The following ZNF362 variants were observed in gnomAD, a reference collection of about 807,000 sequenced individuals.
ZNF362 encodes rotund homolog.
ZNF362 carries 11 observed loss-of-function variants against 42.9 expected under a neutral mutation model. The observed-to-expected ratio is 0.26, with a 90% CI of 0.16 to 0.42. The LOEUF is 0.42. ZNF362 is among the 20% of genes least tolerant of loss of function. The pLI is 1.00. For missense variants in ZNF362, 362 were observed against 576.2 expected (o/e 0.63, Z 3.81); for synonymous variants, 255 against 257.3 (o/e 0.99, Z 0.09).
rs1645862944 is a variant in ZNF362, at chr1:33,266,058, TC to T, written c.-88-4426del. 6.6e-6 allele frequency among the ~76,000 whole-genome samples: 1 copy of T among 152,184 alleles called. No homozygotes were observed. Among genetic ancestry groups the T allele is most frequent in the Admixed American group, 6.5e-5 (1 of 15,284 alleles). ...GTCCCACCTTCCTGAAGTCTGTTCT[TC>T]CCACAGTGAGATGAGTTCACCCTCC... is the stretch of plus-strand genomic sequence containing the variant. On this transcript the variant is annotated intron_variant, in intron 1 of 8. Coordinates refer to ENST00000539719, the MANE Select transcript of ZNF362 (RefSeq NM_152493.3). This position sits in a 1 kb window ranked among gnomAD's most constrained non-coding sequence, Gnocchi z 4.3.
At chr1:33,137,481 A>G in the ZNF362 span, among the ~76,000 whole-genome samples, 2 of 152,218 alleles carry the variant, frequency 1.3e-5, no homozygotes, top group African/African-American at 2.4e-5. Flanking sequence ...TTGAGAGAAA[A>G]CAGAGCATTT....
the ZNF362 span, among the ~76,000 whole-genome samples, chr1:33,247,559 T>C: frequency 5.3e-5 from 8 of 152,276 alleles, no homozygotes; most frequent in Non-Finnish European, 1.2e-4. Context: ...CCAGATGTTA[T>C]GATGTGGGCT....
chr1:33,185,933 G>T, the ZNF362 span, among the ~76,000 whole-genome samples: 1 of 152,116 alleles, frequency 6.6e-6, no homozygotes. Flanking sequence ...GTTCTTTTGT[G>T]GGCTGGGATT....
chr1:33,194,373 TA>T, the ZNF362 span, among the ~76,000 whole-genome samples: 1 of 151,702 alleles, frequency 6.6e-6, no homozygotes, highest in Non-Finnish European at 1.5e-5. Flanking sequence ...CCATCTCTAC[TA>T]AAAATACAAA....
At chr1:33,153,382 C>T in the ZNF362 span, among the ~76,000 whole-genome samples, 1 of 152,248 alleles carries the variant, frequency 6.6e-6, no homozygotes, top group Non-Finnish European at 1.5e-5. Flanking sequence ...AGGCAGCTTT[C>T]TCTAGAGCAG....
chr1:33,253,552 G>A (rs1172078652), upstream of ZNF362, among the ~76,000 whole-genome samples: 2 of 152,010 alleles, frequency 1.3e-5, no homozygotes, highest in Non-Finnish European at 2.9e-5. Flanking sequence ...TTTCCAGGTG[G>A]CTAGGGAGGA....
At chr1:33,160,121 T>C in the ZNF362 span, among the ~76,000 whole-genome samples, 1 of 152,096 alleles carries the variant, frequency 6.6e-6, no homozygotes, top group Non-Finnish European at 1.5e-5. Flanking sequence ...GCATGTTCTA[T>C]GTGGTCCATT....
In ZNF362 at chr1:33,299,170, C is replaced by T; in HGVS notation, c.*124C>T. The T allele has an allele frequency of 1.3e-6, 1 of 742,456 alleles. No homozygotes were observed. The highest frequency in any genetic ancestry group is 2.6e-5 in the East Asian group (1 of 37,754). The allele number at this position is 742,456 out of a possible 1,614,324, so 46.0% of individuals were successfully genotyped here. ...GCTCTCTCACGACCTTCCCAATCTTCCAGAAAGCTTGGTCCGCAGAAGCCC... is the reference window on the plus strand; with the variant it reads ...GCTCTCTCACGACCTTCCCAATCTTTCAGAAAGCTTGGTCCGCAGAAGCCC... On this transcript the variant is annotated 3_prime_UTR_variant, in exon 9 of 9. Coordinates refer to ENST00000539719, the MANE Select transcript of ZNF362 (RefSeq NM_152493.3).
At chr1:33,269,025 T>C (rs1645883086) in intron 1 of ZNF362, among the ~76,000 whole-genome samples, 1 of 152,032 alleles carries the variant, frequency 6.6e-6, no homozygotes, top group South Asian at 2.1e-4. Context: ...CCCTCTTCTC[T>C]CCCCACCCTG....
chr1:33,155,283 G>T, the ZNF362 span, among the ~76,000 whole-genome samples: 1 of 151,892 alleles, frequency 6.6e-6, no homozygotes, highest in East Asian at 2.0e-4. Context: ...TGTTGGCCAG[G>T]CTGGTCTCGA....
chr1:33,134,144 A>G, the ZNF362 span, among the ~76,000 whole-genome samples: 1 of 152,234 alleles, frequency 6.6e-6, no homozygotes, highest in East Asian at 1.9e-4. Context: ...ACCGTGGGCC[A>G]GGCATGTGGC....
At chr1:33,138,626 CAA>C in the ZNF362 span, among the ~76,000 whole-genome samples, 25 of 66,100 alleles carry the variant, frequency 3.8e-4, no homozygotes, top group East Asian at 1.7e-3. Flanking sequence ...ACAACAACAA[CAA>C]AAAAAAAAAA....
chr1:33,289,345 G>A (rs182324954), intron 6 of ZNF362, among the ~76,000 whole-genome samples: 21 of 152,240 alleles, frequency 1.4e-4, no homozygotes, highest in Non-Finnish European at 1.8e-4. Flanking sequence ...AAGGGGATAT[G>A]GACTCTGTCC....
At chr1:33,152,555 G>A in the ZNF362 span, among the ~76,000 whole-genome samples, 157 of 133,158 alleles carry the variant, frequency 1.2e-3, 2 homozygotes, top group Non-Finnish European at 1.3e-3. Context: ...CAACAAGAGT[G>A]AAACTCCGTC....
At chr1:33,269,265 T>A (rs1458076761) in intron 1 of ZNF362, among the ~76,000 whole-genome samples, 1 of 152,188 alleles carries the variant, frequency 6.6e-6, no homozygotes, top group African/African-American at 2.4e-5. Context: ...TTTCATTTTT[T>A]AAGAATAAAT....
the ZNF362 span, chr1:33,165,441 G>A: frequency 1.2e-5 from 18 of 1,550,236 alleles, no homozygotes; most frequent in East Asian, 4.8e-5. The surrounding 1 kb of genome is among the most constrained non-coding windows in gnomAD (Gnocchi z 4.0). Flanking sequence ...ATCTCTGCCG[G>A]CCCCACCTCC....
At chr1:33,253,857 CTTAA>C (rs757411469), upstream of ZNF362, among the ~76,000 whole-genome samples, 11 of 151,884 alleles carry the variant, frequency 7.2e-5, no homozygotes, top group South Asian at 2.1e-4. Context: ...TAATTAATGC[CTTAA>C]TTAATTAAAG....
the ZNF362 span, among the ~76,000 whole-genome samples, chr1:33,198,827 T>C: frequency 1.3e-5 from 2 of 152,084 alleles, no homozygotes; most frequent in Non-Finnish European, 2.9e-5. Context: ...AACAGAATAA[T>C]AGAAGATATT....
chr1:33,185,441 C>G, the ZNF362 span, among the ~76,000 whole-genome samples: 1 of 152,132 alleles, frequency 6.6e-6, no homozygotes, highest in Non-Finnish European at 1.5e-5. Context: ...AGGCTGGTCT[C>G]AAACTCCTGA....
Sources: gnomAD v4.1 joint callset for allele counts (sites outside exome capture counted in the v4.1 genomes callset) on GRCh38, gnomAD v4.1.1 for gene constraint, Gnocchi (gnomAD v3.1) non-coding constraint, MANE v1.5 for transcripts, NCBI Gene and HGNC (gene_info 2026-07-23, HGNC 2026-07-21) for gene names.